Variants in CNTNAP3B observed in about 807,000 individuals in gnomAD.
CNTNAP3B encodes the protein contactin-associated protein-like 3B.
In CNTNAP3B, 25 loss-of-function variants were observed where a neutral mutation model predicts 108.9. That is an observed-to-expected ratio of 0.23 (90% CI 0.17 to 0.32). CNTNAP3B has a LOEUF of 0.32. Among genes scored for constraint, CNTNAP3B ranks in the 10% least tolerant of loss-of-function variants. The probability of loss-of-function intolerance (pLI) is 1.00; values close to 1 mark genes in which losing one functional copy is unlikely to be tolerated. For synonymous variants in CNTNAP3B, 103 were observed against 473.4 expected, an observed-to-expected ratio of 0.22 and a Z score of 10.16; for missense variants, 252 against 1,210.4, an observed-to-expected ratio of 0.21 and a Z score of 11.75.
chr9:42,115,759 G>T (rs1475658178), intron 1 of CNTNAP3B, among the ~76,000 whole-genome samples: 2 of 120,174 alleles, frequency 1.7e-5, no homozygotes, highest in Non-Finnish European at 3.4e-5. Context: ...CAAAGATGGG[G>T]AGAAACCAGA....
chr9:42,063,862 T>G (rs1393216638), intron 3 of CNTNAP3B, among the ~76,000 whole-genome samples: 1 of 150,420 alleles, frequency 6.6e-6, no homozygotes, highest in East Asian at 1.9e-4. Flanking sequence ...GCTGACATTA[T>G]AGGTATGAGC....
At position 42,036,688 on chromosome 9, in the gene CNTNAP3B, G is replaced by A. The variant is rs1262447425; in HGVS notation, c.391-23163C>T. Among the ~76,000 whole-genome samples the A allele has an allele frequency of 1.5e-5, 2 of 137,086 alleles. 1 individual carries two copies. The highest frequency in any genetic ancestry group is 1.5e-4 in the Admixed American group (2 of 13,706). The allele number at this position is 137,086 out of a possible 152,430, so 89.9% of individuals were successfully genotyped here. On this transcript the variant is annotated intron_variant, in intron 3 of 23. Coordinates refer to ENST00000377561, the MANE Select transcript of CNTNAP3B (RefSeq NM_001201380.3). ...TTAAACGTCCCTGTCTGACAGCTTT[G>A]AAGAGAGTAGTGGTTCTCCCAGCAC... is the stretch of plus-strand genomic sequence containing the variant.
In CNTNAP3B at chr9:42,056,885, T is replaced by C. The variant is rs374828587; in HGVS notation, c.390+19984A>G. 6.6e-4 allele frequency among the ~76,000 whole-genome samples: 44 copies of C among 66,412 alleles called. No homozygotes were observed. In the East Asian group the frequency reaches 0.02, roughly 30 times the overall value. The allele number at this position is 66,412 out of a possible 152,430, so 43.6% of individuals were successfully genotyped here. ...TGTGGTCTTGGTTTTACATCTTGCA[T>C]AGAAATACATGCCCGCTCCCACATT... On this transcript the variant is annotated intron_variant, in intron 3 of 23. Transcript: ENST00000377561.
Position 42,010,434 on chromosome 9 carries a change from G to A in CNTNAP3B, c.538+2944C>T, listed in dbSNP as rs1240934801. On this transcript the variant is annotated intron_variant, in intron 4 of 23. Transcript: ENST00000377561. ...TTTCGTGACTCACTGGACATGGAGG[G>A]CAAGAGAGATAGATGCGTCAAGGAC... Among the ~76,000 whole-genome samples the A allele has an allele frequency of 1.4e-5, 2 of 143,860 alleles. 1 individual carries two copies. The highest frequency in any genetic ancestry group is 5.4e-5 in the African/African-American group (2 of 37,032). 94.4% of individuals were successfully genotyped at this position (143,860 alleles called of 152,430 possible).
Position 41,974,511 on chromosome 9 carries a change from C to T in CNTNAP3B, c.1478-4266G>A. On this transcript the variant is annotated intron_variant, in intron 9 of 23. Transcript: ENST00000377561. The stretch of plus-strand genomic sequence containing the variant: ...AGCCAAAGTTAGAAACAGTGCAGCT[C>T]TTGCCAGTCATTGACCTAAGGCCAG... 3 of 296,534 alleles carry T rather than the reference C, an allele frequency of 1.0e-5. 1 individual carries two copies. The highest frequency in any genetic ancestry group is 9.9e-5 in the South Asian group (3 of 30,428). 18.4% of individuals were successfully genotyped at this position (296,534 alleles called of 1,614,324 possible).
chr9:41,964,883 T>C (rs1367051122), intron 10 of CNTNAP3B, among the ~76,000 whole-genome samples: 1 of 152,282 alleles, frequency 6.6e-6, no homozygotes, highest in Admixed American at 6.5e-5. Flanking sequence ...ACATTTCTTT[T>C]TTTCTTTGTC....
chr9:42,075,206 T>G (rs1587250691), intron 3 of CNTNAP3B, among the ~76,000 whole-genome samples: 2 of 146,374 alleles, frequency 1.4e-5, no homozygotes, highest in African/African-American at 2.6e-5. Flanking sequence ...CATATTAGAT[T>G]AGGGTCAACC....
chr9:42,035,605 C>A (rs1483229800), intron 3 of CNTNAP3B, among the ~76,000 whole-genome samples: 1 of 148,780 alleles, frequency 6.7e-6, no homozygotes, highest in Non-Finnish European at 1.5e-5. Context: ...AGGAACAGTG[C>A]CTGACACATA....
rs546178871 is a variant in CNTNAP3B at position 41,964,101 on chromosome 9, T to C, written c.1756+437A>G. Among the ~76,000 whole-genome samples, 5 of 152,418 alleles carry C rather than the reference T, an allele frequency of 3.3e-5. No homozygotes were observed. In the East Asian group the frequency reaches 5.8e-4, roughly 18 times the overall value. On this transcript the variant is annotated intron_variant, in intron 11 of 23. Coordinates refer to ENST00000377561, the MANE Select transcript of CNTNAP3B (RefSeq NM_001201380.3). ...CCCATGATTGCATCATCCCAGTGAT[T>C]GTTAAAAAATCTTTAAATACCTTAA...
intron 11 of CNTNAP3B, among the ~76,000 whole-genome samples, chr9:41,963,727 G>A (rs1330995802): frequency 6.6e-6 from 1 of 151,290 alleles, no homozygotes; most frequent in African/African-American, 2.4e-5. Context: ...CCACCAATCA[G>A]GCATCCTGGA....
intron 12 of CNTNAP3B, chr9:41,960,080 C>G (rs1825025562): frequency 6.4e-6 from 1 of 155,100 alleles, no homozygotes; most frequent in Non-Finnish European, 1.4e-5. Flanking sequence ...TCACTGCAAC[C>G]TCTGCCTCCC....
intron 2 of CNTNAP3B, among the ~76,000 whole-genome samples, chr9:42,087,397 G>T (rs955070093): frequency 7.9e-6 from 1 of 126,444 alleles, no homozygotes; most frequent in South Asian, 2.9e-4. Flanking sequence ...AACCTTGAGA[G>T]GTGAGGTTAC....
Position 42,012,952 on chromosome 9 carries a change from A to G in CNTNAP3B, c.538+426T>C, listed in dbSNP as rs1300362806. On this transcript the variant is annotated intron_variant, in intron 4 of 23. Coordinates refer to ENST00000377561, the MANE Select transcript of CNTNAP3B (RefSeq NM_001201380.3). Reference sequence around the variant, plus strand: ...TGCAAAAGAGGACGTTAGCAGAGAAAAACACAGAGAACCAAGAGATTGCGA... The same window carrying G: ...TGCAAAAGAGGACGTTAGCAGAGAAGAACACAGAGAACCAAGAGATTGCGA... Among the ~76,000 whole-genome samples, 6 of 95,912 alleles carry G rather than the reference A, an allele frequency of 6.3e-5. 3 individuals are homozygous for G. 62.9% of individuals were successfully genotyped at this position (95,912 alleles called of 152,430 possible). A position where few individuals can be genotyped will look rare whatever the true frequency, so the allele number is the denominator to read the frequency against.
At chr9:41,947,239 T>C (rs1824554436) in intron 13 of CNTNAP3B, among the ~76,000 whole-genome samples, 1 of 150,602 alleles carries the variant, frequency 6.6e-6, no homozygotes, top group Non-Finnish European at 1.5e-5. Flanking sequence ...CCATGAAAAA[T>C]TTACAAGACA....
intron 1 of CNTNAP3B, among the ~76,000 whole-genome samples, chr9:42,107,609 C>T (rs1490660905): frequency 8.0e-6 from 1 of 125,782 alleles, no homozygotes; most frequent in African/African-American, 3.3e-5. Context: ...GAGTCAATAG[C>T]ATCTGTCTGC....
intron 1 of CNTNAP3B, among the ~76,000 whole-genome samples, chr9:42,120,180 C>T (rs1828427596): frequency 6.8e-6 from 1 of 147,062 alleles, no homozygotes; most frequent in African/African-American, 2.6e-5. Context: ...TGAACAGACA[C>T]TTCTCTAAAG....
In CNTNAP3B at chr9:41,958,183, C is replaced by T. The variant is rs1475563127; in HGVS notation, c.1876+2590G>A. 2.6e-5 allele frequency among the ~76,000 whole-genome samples: 4 copies of T among 152,264 alleles called. No individual in the cohort carries two copies. In the East Asian group the frequency reaches 7.7e-4, roughly 29 times the overall value. Reference sequence around the variant, plus strand: ...AGTGCAGTGGTGTGACCATGGCTCACTGCAGTCTCCAACTCCCAGGCTCAA... The same window carrying T: ...AGTGCAGTGGTGTGACCATGGCTCATTGCAGTCTCCAACTCCCAGGCTCAA... On this transcript the variant is annotated intron_variant, in intron 12 of 23. Transcript: ENST00000377561.
chr9:41,927,191 C>A (rs1466779124), intron 15 of CNTNAP3B, among the ~76,000 whole-genome samples: 1 of 151,834 alleles, frequency 6.6e-6, no homozygotes, highest in South Asian at 2.1e-4. Context: ...AACTCTAGTC[C>A]TGCTATTGCA....
At chr9:41,962,347 T>C (rs1382315869) in intron 11 of CNTNAP3B, among the ~76,000 whole-genome samples, 2 of 152,234 alleles carry the variant, frequency 1.3e-5, no homozygotes. Flanking sequence ...AGACTGACAC[T>C]TGAAATACTT....
Sources: allele counts gnomAD v4.1 joint callset (sites outside exome capture counted in the v4.1 genomes callset), GRCh38; gene constraint gnomAD v4.1.1; transcripts MANE v1.5; gene names NCBI Gene and HGNC (gene_info 2026-07-23, HGNC 2026-07-21).